ADGB: variants seen among roughly 807,000 people sequenced by gnomAD.
ADGB encodes the protein androglobin.
ADGB carries 172 observed loss-of-function variants against 210.5 expected under a neutral mutation model. The ratio of observed to expected loss-of-function variants is 0.82; its 90% confidence interval spans 0.72 to 0.93. The LOEUF (loss-of-function observed/expected upper bound fraction) is 0.93, where lower values mean the gene tolerates loss of function less well. ADGB is among the 40% of genes least tolerant of loss of function. ADGB has a pLI of 0.00. For missense variants in ADGB, 2,025 were observed against 1,964.8 expected (o/e 1.03, Z -0.58); for synonymous variants, 658 against 662.7 (o/e 0.99, Z 0.11).
chr6:146,749,494 A>C (rs1777289129), intron 26 of ADGB, among the ~76,000 whole-genome samples: 1 of 152,140 alleles, frequency 6.6e-6, no homozygotes, highest in East Asian at 1.9e-4. Flanking sequence ...ATAGTGGAAG[A>C]GTTTTTAAAG....
At chr6:146,752,503 TATA>T (rs59941010) in intron 26 of ADGB, 24 bp from the exon 27 acceptor site, 392,449 of 1,516,074 alleles carry the variant, frequency 0.26, 52,448 homozygotes, top group Non-Finnish European at 0.28. Flanking sequence ...CATACTTGCT[TATA>T]ATGTTAACTT....
intron 2 of ADGB, among the ~76,000 whole-genome samples, chr6:146,640,311 C>G (rs1406099860): frequency 1.3e-5 from 2 of 151,932 alleles, no homozygotes; most frequent in Non-Finnish European, 2.9e-5. Flanking sequence ...GATGGATTAA[C>G]AGCTGAATTC....
At chr6:146,736,680 C>T (rs1476658080) in intron 23 of ADGB, 89 bp downstream of exon 23, 30 of 744,344 alleles carry the variant, frequency 4.0e-5, no homozygotes. Context: ...TGAGAGCGCC[C>T]CAGTCACTGC....
rs1583636744 is a variant in ADGB at position 146,782,597 on chromosome 6, G to A, written c.4035+405G>A. Among the ~76,000 whole-genome samples, 7 of 151,796 alleles carry A rather than the reference G, an allele frequency of 4.6e-5. No homozygotes were observed. In the South Asian group the frequency reaches 1.2e-3, roughly 27 times the overall value. ...TCCAGGAGGAACTGAGTTCTGAACC[G>A]AGTTAATAAGCAAAGACGTGATGAG... On this transcript the variant is annotated intron_variant, in intron 30 of 35. Coordinates refer to ENST00000397944, the MANE Select transcript of ADGB (RefSeq NM_024694.4).
rs1214379403 is a variant in ADGB at position 146,733,946 on chromosome 6, G to A, written c.2710G>A (p.Ala904Thr). The change falls in exon 22 of 36, where the codon GCT (alanine) becomes ACT (threonine). Residue 904 changes from alanine to threonine, a missense_variant. By Grantham distance (58) the Ala-to-Thr change is moderately conservative (BLOSUM62 0). Transcript: ENST00000397944. ...GCCCACAAGTGATAAAGAGTATTCTGCTGAGGAAGTAGCAGCAGCAATTAA... is the reference window on the plus strand; with the variant it reads ...GCCCACAAGTGATAAAGAGTATTCTACTGAGGAAGTAGCAGCAGCAATTAA... ...CMPTSDKEYS[A>T]EEVAAAIKIQ... is the part of the protein sequence containing the mutation. 25 of 1,551,560 alleles carry A rather than the reference G, an allele frequency of 1.6e-5. No individual in the cohort carries two copies. Among genetic ancestry groups the A allele is most frequent in the Non-Finnish European group, 1.4e-5 (16 of 1,146,980 alleles).
At chr6:146,714,659 G>A (rs1776706023) in intron 13 of ADGB, among the ~76,000 whole-genome samples, 1 of 152,172 alleles carries the variant, frequency 6.6e-6, no homozygotes, top group Non-Finnish European at 1.5e-5. Flanking sequence ...TTCAACCCAT[G>A]TCGGTGTTTT....
At chr6:146,756,409 C>G (rs951641789) in intron 27 of ADGB, among the ~76,000 whole-genome samples, 2 of 152,066 alleles carry the variant, frequency 1.3e-5, no homozygotes, top group Non-Finnish European at 2.9e-5. Context: ...TCCAGGGAGA[C>G]AAGGAGTACA....
chr6:146,747,623 G>A (rs1777258630), intron 26 of ADGB, among the ~76,000 whole-genome samples: 1 of 152,062 alleles, frequency 6.6e-6, no homozygotes, highest in Admixed American at 6.6e-5. Context: ...TCTGAGAAGA[G>A]CCTCACTGGA....
Position 146,814,913 on chromosome 6 carries a change from C to T in ADGB, c.4819-119C>T. On this transcript the variant is annotated intron_variant, in intron 35 of 35. Coordinates refer to ENST00000397944, the MANE Select transcript of ADGB (RefSeq NM_024694.4). ...CCATACACTAATTTTCATCTTCAAT[C>T]ATTTTGCCTATGAATGTGTGGGCGT... 1.1e-5 allele frequency: 10 copies of T among 907,818 alleles called. No homozygotes were observed. The South Asian group carries it at 1.9e-4, about 17-fold the overall frequency. 56.2% of individuals were successfully genotyped at this position (907,818 alleles called of 1,614,324 possible).
intron 3 of ADGB, among the ~76,000 whole-genome samples, chr6:146,645,549 A>G (rs1394566257): frequency 6.6e-6 from 1 of 152,048 alleles, no homozygotes; most frequent in Non-Finnish European, 1.5e-5. Flanking sequence ...CACCTAATGC[A>G]TAGGAAACCA....
intron 9 of ADGB, among the ~76,000 whole-genome samples, chr6:146,682,700 A>C (rs962775695): frequency 1.3e-5 from 2 of 152,146 alleles, no homozygotes; most frequent in African/African-American, 4.8e-5. Context: ...ATATATAATA[A>C]AATCAAAATG....
intron 35 of ADGB, among the ~76,000 whole-genome samples, chr6:146,813,773 T>C (rs1778338711): frequency 6.6e-6 from 1 of 152,218 alleles, no homozygotes; most frequent in South Asian, 2.1e-4. Context: ...GGTTTTTGTG[T>C]GTAATAACCA....
chr6:146,719,207 A>G (rs1449751011), intron 16 of ADGB, among the ~76,000 whole-genome samples: 10 of 152,200 alleles, frequency 6.6e-5, no homozygotes, highest in Admixed American at 6.5e-4. Context: ...ACTTAGAAGA[A>G]TGCCTATTAG....
chr6:146,681,960 A>G (rs1174907691), intron 9 of ADGB, among the ~76,000 whole-genome samples: 1 of 152,120 alleles, frequency 6.6e-6, no homozygotes, highest in Admixed American at 6.6e-5. Flanking sequence ...TACTTGCCTG[A>G]AAAATACTGT....
rs1033747774 is a variant in ADGB at position 146,606,940 on chromosome 6, G to A, written c.74+7826G>A. On this transcript the variant is annotated intron_variant, in intron 1 of 35. Transcript: ENST00000397944. ...CTTTTTTTCCAATTCTGTGTAAAAC[G>A]ACATTGGTATTGATAGGAATAGCAT... is the stretch of plus-strand genomic sequence containing the variant. Among the ~76,000 whole-genome samples the A allele has an allele frequency of 2.6e-5, 4 of 152,142 alleles. No individual in the cohort carries two copies. The South Asian group carries it at 8.3e-4, about 32-fold the overall frequency.
At position 146,740,996 on chromosome 6, in the gene ADGB, A is replaced by T. The variant is rs558622495; in HGVS notation, c.3024-122A>T. The T allele has an allele frequency of 1.5e-5, 10 of 663,302 alleles. 1 individual carries two copies. The Admixed American group carries it at 3.4e-4, about 23-fold the overall frequency. The allele number at this position is 663,302 out of a possible 1,614,324, so 41.1% of individuals were successfully genotyped here. On this transcript the variant is annotated intron_variant, in intron 24 of 35. Coordinates refer to ENST00000397944, the MANE Select transcript of ADGB (RefSeq NM_024694.4). Reference sequence around the variant, plus strand: ...ATAGTAATTTTTAAAAGAAAATAATATGTGTGCCTTTTAGTTATTTGGAAC... The same window carrying T: ...ATAGTAATTTTTAAAAGAAAATAATTTGTGTGCCTTTTAGTTATTTGGAAC...
intron 29 of ADGB, among the ~76,000 whole-genome samples, chr6:146,772,462 G>A (rs259420): frequency 0.5 from 73,643 of 146,886 alleles, 18,937 homozygotes; most frequent in Admixed American, 0.6. Flanking sequence ...TGGCACAGCT[G>A]GGAATTCTAA....
At chr6:146,721,360 A>G (rs1776809384) in intron 16 of ADGB, 43 bp from the exon 17 acceptor site, 2 of 1,210,026 alleles carry the variant, frequency 1.7e-6, no homozygotes, top group Non-Finnish European at 2.4e-6. Context: ...AATAGCATTG[A>G]TGAACTGATA....
At chr6:146,716,749 A>C in intron 14 of ADGB, 134 bp from the exon 15 acceptor site, 1 of 758,816 alleles carries the variant, frequency 1.3e-6, no homozygotes, top group South Asian at 2.4e-5. Context: ...CCATAAATGT[A>C]TGAAGCCTGG....
Sources: gnomAD v4.1 joint callset for allele counts (sites outside exome capture counted in the v4.1 genomes callset) on GRCh38, gnomAD v4.1.1 for gene constraint, MANE v1.5 for transcripts, NCBI Gene and HGNC (gene_info 2026-07-23, HGNC 2026-07-21) for gene names.